STX6: variants seen among roughly 807,000 people sequenced by gnomAD.
STX6 encodes the protein syntaxin 6, also known as syntaxin-6.
A neutral mutation model predicts 38.0 loss-of-function variants in STX6; 23 were observed. That is an observed-to-expected ratio of 0.60 (90% CI 0.43 to 0.86). The LOEUF (loss-of-function observed/expected upper bound fraction) is 0.86. Ranked by LOEUF, STX6 falls within the 40% of genes least tolerant of loss-of-function variation. The probability of loss-of-function intolerance (pLI) is 0.00; values close to 1 mark genes in which losing one functional copy is unlikely to be tolerated. For missense variants in STX6, 274 were observed against 312.9 expected, an observed-to-expected ratio of 0.88 and a Z score of 0.94; for synonymous variants, 123 against 107.5, an observed-to-expected ratio of 1.14 and a Z score of -0.89.
chr1:180,998,429 C>CTGG (rs1295276661), intron 3 of STX6, among the ~76,000 whole-genome samples: 4 of 152,010 alleles, frequency 2.6e-5, no homozygotes, highest in African/African-American at 9.7e-5. Context: ...GTCTCACAGG[C>CTGG]TGGAGTGCAG....
chr1:181,022,470 G>A (rs1304263101), intron 1 of STX6, among the ~76,000 whole-genome samples, 169 bp downstream of exon 1: 1 of 152,144 alleles, frequency 6.6e-6, no homozygotes, highest in Non-Finnish European at 1.5e-5. Flanking sequence ...AGGGATGGAG[G>A]GAACGTCTCT....
chr1:181,016,998 G>A (rs1224391470), intron 1 of STX6, among the ~76,000 whole-genome samples: 2 of 152,148 alleles, frequency 1.3e-5, no homozygotes, highest in African/African-American at 4.8e-5. Flanking sequence ...GCTTGAACCC[G>A]GGAGGCGGAG....
Position 180,972,996 on chromosome 1 carries a change from G to A in STX6, c.*3574C>T, listed in dbSNP as rs1026891501. On this transcript the variant is annotated 3_prime_UTR_variant, in exon 8 of 8. Transcript: ENST00000258301. Reference sequence around the variant, plus strand: ...TGTCCTCAGGGGCGGACTTTGCTCAGGGATGGCGCACAGTGACTGCGGGGG... The same window carrying A: ...TGTCCTCAGGGGCGGACTTTGCTCAAGGATGGCGCACAGTGACTGCGGGGG... 4 of 163,702 alleles carry A rather than the reference G, an allele frequency of 2.4e-5. No individual in the cohort carries two copies. Among genetic ancestry groups the A allele is most frequent in the African/African-American group, 9.6e-5 (4 of 41,638 alleles). 10.1% of individuals were successfully genotyped at this position (163,702 alleles called of 1,614,324 possible). A position where few individuals can be genotyped will look rare whatever the true frequency, so the allele number is the denominator to read the frequency against.
At chr1:180,995,863 G>A (rs947760078) in intron 3 of STX6, among the ~76,000 whole-genome samples, 1 of 152,140 alleles carries the variant, frequency 6.6e-6, no homozygotes, top group Non-Finnish European at 1.5e-5. Context: ...AGTGCAGTGG[G>A]GGGTAGAGAC....
intron 2 of STX6, among the ~76,000 whole-genome samples, chr1:181,004,282 G>C (rs1656165070): frequency 6.6e-6 from 1 of 152,166 alleles, no homozygotes; most frequent in Non-Finnish European, 1.5e-5. Context: ...TGATCCCTTG[G>C]AATCTCCAGA....
At chr1:181,008,727 GT>G (rs55654509) in intron 1 of STX6, among the ~76,000 whole-genome samples, 3,451 of 108,700 alleles carry the variant, frequency 0.032, 43 homozygotes, top group Middle Eastern at 0.072. Flanking sequence ...TTCCAAAATT[GT>G]TTTTTTTTTT....
chr1:180,983,671 A>G (rs568009918), intron 7 of STX6, among the ~76,000 whole-genome samples: 1 of 152,364 alleles, frequency 6.6e-6, no homozygotes, highest in Non-Finnish European at 1.5e-5. Context: ...CAGGAGAAAC[A>G]GTAACTGGCT....
intron 4 of STX6, among the ~76,000 whole-genome samples, chr1:180,991,125 C>T (rs1194393196): frequency 6.6e-6 from 1 of 152,202 alleles, no homozygotes; most frequent in Non-Finnish European, 1.5e-5. Context: ...CCAACAGCCC[C>T]ATGACCTTCC....
At chr1:180,997,968 T>G (rs1346978831) in intron 3 of STX6, among the ~76,000 whole-genome samples, 1 of 152,224 alleles carries the variant, frequency 6.6e-6, no homozygotes, top group Non-Finnish European at 1.5e-5. Context: ...TTGCATTTTA[T>G]AAATACCAAG....
At chr1:181,002,752 T>C in intron 2 of STX6, 52 bp from the exon 3 acceptor site, 1 of 1,206,124 alleles carries the variant, frequency 8.3e-7, no homozygotes, top group South Asian at 1.3e-5. Flanking sequence ...CCTGACAACA[T>C]CCTGTTAACT....
At chr1:181,006,064 G>C (rs189710290) in intron 1 of STX6, among the ~76,000 whole-genome samples, 8 of 152,086 alleles carry the variant, frequency 5.3e-5, no homozygotes, top group African/African-American at 1.9e-4. Context: ...ATTAGTGTTT[G>C]TTTTTGTTTT....
chr1:180,995,342 C>T (rs986740935), intron 3 of STX6, among the ~76,000 whole-genome samples: 4 of 152,070 alleles, frequency 2.6e-5, no homozygotes, highest in African/African-American at 9.7e-5. Flanking sequence ...TTTTAACAAG[C>T]CCCCTCCCCA....
At chr1:180,985,066 G>T (rs905613634) in intron 6 of STX6, among the ~76,000 whole-genome samples, 1 of 152,156 alleles carries the variant, frequency 6.6e-6, no homozygotes, top group Non-Finnish European at 1.5e-5. Context: ...TATTTCTGCA[G>T]AGAAAACTAT....
chr1:181,022,539 C>A (rs1656769520), intron 1 of STX6, 100 bp downstream of exon 1: 1 of 1,285,760 alleles, frequency 7.8e-7, no homozygotes, highest in South Asian at 1.3e-5. Flanking sequence ...CTCCCCAGCT[C>A]CAACTTGCCT....
chr1:180,985,300 T>C (rs994868605), intron 6 of STX6, among the ~76,000 whole-genome samples: 6 of 152,244 alleles, frequency 3.9e-5, no homozygotes, highest in Non-Finnish European at 5.9e-5. Context: ...CTTGTTTACA[T>C]TGCTACCTTC....
At chr1:181,014,660 C>G (rs1341328890) in intron 1 of STX6, among the ~76,000 whole-genome samples, 1 of 152,202 alleles carries the variant, frequency 6.6e-6, no homozygotes, top group East Asian at 1.9e-4. Flanking sequence ...CCTCACTCTT[C>G]TCCAACTGGT....
rs1271009014 is a variant in STX6, at chr1:180,976,314, G to C, written c.*256C>G. On this transcript the variant is annotated 3_prime_UTR_variant, in exon 8 of 8. Transcript: ENST00000258301. ...GCAAGGCAGCAGCTAGTTCTCCTCCGAACTGGACAGGCGGCATGGGGCTTC... is the reference window on the plus strand; with the variant it reads ...GCAAGGCAGCAGCTAGTTCTCCTCCCAACTGGACAGGCGGCATGGGGCTTC... 4.3e-6 allele frequency: 2 copies of C among 461,096 alleles called. No individual in the cohort carries two copies. Among genetic ancestry groups the C allele is most frequent in the East Asian group, 7.4e-5 (2 of 26,864 alleles). 28.6% of individuals were successfully genotyped at this position (461,096 alleles called of 1,614,324 possible).
chr1:180,987,139 G>A (rs1655610801), intron 6 of STX6, among the ~76,000 whole-genome samples: 1 of 152,066 alleles, frequency 6.6e-6, no homozygotes, highest in Non-Finnish European at 1.5e-5. Context: ...CAGACACATG[G>A]AACCTCTCTG....
At chr1:181,020,819 C>A (rs1656703979) in intron 1 of STX6, among the ~76,000 whole-genome samples, 1 of 152,190 alleles carries the variant, frequency 6.6e-6, no homozygotes, top group African/African-American at 2.4e-5. Flanking sequence ...ACCAGAAGCT[C>A]CTAGGCTAAG....
Sources: allele counts gnomAD v4.1 joint callset (sites outside exome capture counted in the v4.1 genomes callset), GRCh38; gene constraint gnomAD v4.1.1; transcripts MANE v1.5; gene names NCBI Gene and HGNC (gene_info 2026-07-23, HGNC 2026-07-21).